Variants in LYZL1 observed in about 807,000 individuals in gnomAD.
LYZL1 encodes lysozyme-like protein 1.
Under a neutral mutation model 17.9 loss-of-function variants are expected in LYZL1, and 16 were observed. The observed-to-expected ratio is 0.90, with a 90% confidence interval of 0.61 to 1.36. LYZL1 has a LOEUF of 1.36. LYZL1 is among the 40% of genes most tolerant of loss of function. The probability of loss-of-function intolerance (pLI) is 0.00; values close to 1 mark genes in which losing one functional copy is unlikely to be tolerated. For missense variants in LYZL1, 149 were observed against 188.4 expected (o/e 0.79, Z 1.22); for synonymous variants, 58 against 71.8 (o/e 0.81, Z 0.97).
chr10:29,289,375 A>T, intron 1 of LYZL1, 145 bp downstream of exon 1: 1 of 541,442 alleles, frequency 1.8e-6, no homozygotes, highest in Non-Finnish European at 3.0e-6. Flanking sequence ...ATGGAAACCA[A>T]CTCTATTTGT....
At chr10:29,299,983 A>T (rs904779508) in intron 3 of LYZL1, among the ~76,000 whole-genome samples, 4 of 152,182 alleles carry the variant, frequency 2.6e-5, no homozygotes, top group African/African-American at 9.6e-5. Flanking sequence ...TATGGTTTTG[A>T]TTGCAACTAC....
chr10:29,309,260 C>T (rs1030696102), intron 3 of LYZL1, among the ~76,000 whole-genome samples: 3 of 149,826 alleles, frequency 2.0e-5, no homozygotes, highest in Non-Finnish European at 4.5e-5. Flanking sequence ...AGCCAGGAGG[C>T]AGAGGCTGCA....
At chr10:29,304,633 A>G (rs1326538155) in intron 3 of LYZL1, among the ~76,000 whole-genome samples, 1 of 152,222 alleles carries the variant, frequency 6.6e-6, no homozygotes, top group Non-Finnish European at 1.5e-5. Flanking sequence ...TTGACAGGAC[A>G]GACTGTCTAT....
At position 29,292,615 on chromosome 10, in the gene LYZL1, G is replaced by T. The variant is rs201641133; in HGVS notation, c.236G>T (p.Ser79Ile). ...SIDYGIFQIN[S>I]FAWCRRGKLK... ...GACTATGGCATCTTCCAGATCAACAGCTTCGCGTGGTGCAGACGCGGAAAG... is the reference window on the plus strand; with the variant it reads ...GACTATGGCATCTTCCAGATCAACATCTTCGCGTGGTGCAGACGCGGAAAG... The change falls in exon 3 of 5, where the codon AGC (serine) becomes ATC (isoleucine). Residue 79 changes from serine (S) to isoleucine (I), a missense_variant. By Grantham distance (142) the Ser-to-Ile change is moderately radical. Around this residue, in one of 2 missense-constraint regions of LYZL1, gnomAD observed 130 missense variants for 132.5 expected, o/e 0.98. Transcript: ENST00000649382. 2.0e-5 allele frequency: 33 copies of T among 1,614,146 alleles called. No homozygotes were observed. Among genetic ancestry groups the T allele is most frequent in the Non-Finnish European group, 1.7e-6 (2 of 1,180,058 alleles).
intron 3 of LYZL1, among the ~76,000 whole-genome samples, chr10:29,294,564 G>A (rs1835420986): frequency 6.6e-6 from 1 of 152,194 alleles, no homozygotes; most frequent in African/African-American, 2.4e-5. Flanking sequence ...TTCATTCACT[G>A]ATGTATCCTC....
chr10:29,309,917 G>A (rs868834342), intron 3 of LYZL1, among the ~76,000 whole-genome samples, 193 bp from the exon 4 acceptor site: 12 of 152,146 alleles, frequency 7.9e-5, no homozygotes, highest in African/African-American at 2.9e-4. Context: ...AGATGAAAAC[G>A]GTCTTAAAAC....
chr10:29,290,858 A>AAAT (rs375749534), intron 1 of LYZL1, among the ~76,000 whole-genome samples: 20 of 152,202 alleles, frequency 1.3e-4, no homozygotes, highest in Middle Eastern at 3.4e-3. Flanking sequence ...ATAAATAAAT[A>AAAT]AAAGCACTGA....
At chr10:29,306,590 C>T (rs1452865330) in intron 3 of LYZL1, among the ~76,000 whole-genome samples, 1 of 136,850 alleles carries the variant, frequency 7.3e-6, no homozygotes, top group Non-Finnish European at 1.6e-5. Context: ...AAATAAGGAA[C>T]TAAAGTTTTA....
chr10:29,306,562 A>AAAAAAAAAAAAAAAG (rs1835595782), intron 3 of LYZL1, among the ~76,000 whole-genome samples: 3 of 134,836 alleles, frequency 2.2e-5, no homozygotes, highest in African/African-American at 5.5e-5. Flanking sequence ...AAAAAAAAAA[A>AAAAAAAAAAAAAAAG]AAAAAAAAAA....
In LYZL1 at chr10:29,303,952, G is replaced by T. The variant is rs2132828708; in HGVS notation, c.299-6158G>T. Among the ~76,000 whole-genome samples the T allele has an allele frequency of 1.3e-5, 2 of 152,152 alleles. 1 individual carries two copies. The highest frequency in any genetic ancestry group is 3.9e-4 in the East Asian group (2 of 5,172). ...TCTTTTTGTTTTTGGTAGAGAAGGG[G>T]GTCTCGCCATGTTGCCCAAGCTAGT... On this transcript the variant is annotated intron_variant, in intron 3 of 4. Coordinates refer to ENST00000649382, the MANE Select transcript of LYZL1 (RefSeq NM_032517.6).
chr10:29,318,001 A>G (rs951289366), intron 4 of LYZL1: 8 of 214,606 alleles, frequency 3.7e-5, no homozygotes, highest in Non-Finnish European at 5.6e-5. Flanking sequence ...TTTGTCTATA[A>G]TTTTGTAATA....
At chr10:29,291,163 G>C (rs1774945) in intron 1 of LYZL1, among the ~76,000 whole-genome samples, 1 of 152,058 alleles carries the variant, frequency 6.6e-6, no homozygotes. Flanking sequence ...CTGACTGGAA[G>C]CCTTACTGAT....
At chr10:29,307,935 C>T (rs1439913320) in intron 3 of LYZL1, among the ~76,000 whole-genome samples, 14 of 152,172 alleles carry the variant, frequency 9.2e-5, no homozygotes, top group Admixed American at 2.0e-4. Context: ...ATCCATTATA[C>T]GCCCACGAGC....
At position 29,292,483 on chromosome 10, in the gene LYZL1, T is replaced by C. The variant is rs377547673; in HGVS notation, c.140-36T>C. 6.4e-5 allele frequency: 103 copies of C among 1,606,970 alleles called. 1 individual carries two copies. The highest frequency in any genetic ancestry group is 4.7e-4 in the South Asian group (42 of 89,784). On this transcript the variant is annotated intron_variant, in intron 2 of 4. Transcript: ENST00000649382. Reference sequence around the variant, plus strand: ...ACCAAGCTTAGAGCAAAAGATGCACTTCCTTTGCTGGCGTTTCTGGCTTTC... The same window carrying C: ...ACCAAGCTTAGAGCAAAAGATGCACCTCCTTTGCTGGCGTTTCTGGCTTTC...
intron 3 of LYZL1, among the ~76,000 whole-genome samples, chr10:29,306,130 T>G (rs1373441058): frequency 2.6e-5 from 4 of 152,228 alleles, no homozygotes; most frequent in South Asian, 2.1e-4. Flanking sequence ...TGACTGTCTT[T>G]TTTTTCTAAA....
chr10:29,315,751 AG>A (rs745969826), downstream of LYZL1, among the ~76,000 whole-genome samples: 63 of 151,540 alleles, frequency 4.2e-4, no homozygotes, highest in Non-Finnish European at 7.9e-4. Context: ...TGGGAGGCTG[AG>A]GTGGGAGGAT....
intron 3 of LYZL1, among the ~76,000 whole-genome samples, chr10:29,297,959 T>C (rs1835468577): frequency 2.6e-5 from 4 of 152,192 alleles, no homozygotes; most frequent in Non-Finnish European, 1.5e-5. Flanking sequence ...GGGAAAACCA[T>C]TTCCACTATA....
At chr10:29,291,128 A>T (rs183874021) in intron 1 of LYZL1, among the ~76,000 whole-genome samples, 112 of 152,298 alleles carry the variant, frequency 7.4e-4, no homozygotes, top group African/African-American at 2.5e-3. Flanking sequence ...ACTCCCCAGA[A>T]ACTTAACGAC....
chr10:29,307,365 T>A (rs1588663037), intron 3 of LYZL1, among the ~76,000 whole-genome samples: 1 of 152,216 alleles, frequency 6.6e-6, no homozygotes, highest in Non-Finnish European at 1.5e-5. Flanking sequence ...CATGTGGTAT[T>A]TGTCTTTCTG....
Sources: allele counts gnomAD v4.1 joint callset (sites outside exome capture counted in the v4.1 genomes callset), GRCh38; gene constraint gnomAD v4.1.1; regional missense constraint gnomAD v4.1.1; transcripts MANE v1.5; gene names NCBI Gene and HGNC (gene_info 2026-07-23, HGNC 2026-07-21).